Variants in SPHKAP observed in about 807,000 individuals in gnomAD.
SPHKAP encodes SPHK1 interactor, AKAP domain containing, also known as A-kinase anchor protein SPHKAP.
A neutral mutation model predicts 137.5 loss-of-function variants in SPHKAP; 67 were observed. The ratio of observed to expected loss-of-function variants is 0.49; its 90% confidence interval spans 0.40 to 0.60. The LOEUF is 0.60. SPHKAP is among the 20% of genes least tolerant of loss of function. The probability of loss-of-function intolerance (pLI) is 0.00; values close to 1 mark genes in which losing one functional copy is unlikely to be tolerated. For missense variants in SPHKAP, 2,097 were observed against 2,069.3 expected (o/e 1.01, Z -0.26); for synonymous variants, 813 against 785.3 (o/e 1.04, Z -0.59).
chr2:228,016,623 G>C lies in SPHKAP; in HGVS notation c.4231C>G (p.Pro1411Ala), dbSNP rs749391388. The part of the protein sequence containing the change: ...SKKETSSCQD[P>A]VPINHKRRSL... Reference sequence around the variant, plus strand: ...CGCCTTTTGTGGTTTATTGGTACAGGGTCCTGGCACGAGGAAGTTTCTTTT... The same window carrying C: ...CGCCTTTTGTGGTTTATTGGTACAGCGTCCTGGCACGAGGAAGTTTCTTTT... The change falls in exon 7 of 12, where the codon CCT becomes GCT. Residue 1411 changes from proline (P) to alanine (A), a missense_variant. Coordinates refer to ENST00000392056, the MANE Select transcript of SPHKAP (RefSeq NM_001142644.2). 1.2e-6 allele frequency: 2 copies of C among 1,613,372 alleles called. No individual in the cohort carries two copies. Among genetic ancestry groups the C allele is most frequent in the Non-Finnish European group, 1.7e-6 (2 of 1,179,906 alleles).
chr2:228,142,967 TAGTC>T lies in SPHKAP; in HGVS notation c.33-10886_33-10883del, dbSNP rs527954883. On this transcript the variant is annotated intron_variant, in intron 1 of 11. Coordinates refer to ENST00000392056, the MANE Select transcript of SPHKAP (RefSeq NM_001142644.2). ...ACAACTCTTATCCGTGCATGCCTAT[TAGTC>T]AGCCATGCTTTCCACGAGGAATCTA... is the stretch of plus-strand genomic sequence containing the variant. 3.4e-4 allele frequency among the ~76,000 whole-genome samples: 52 copies of T among 152,266 alleles called. No individual in the cohort carries two copies. In the East Asian group the frequency reaches 9.9e-3, roughly 29 times the overall value.
At chr2:228,180,826 G>A (rs1428448396) in intron 1 of SPHKAP, among the ~76,000 whole-genome samples, 1 of 152,214 alleles carries the variant, frequency 6.6e-6, no homozygotes, top group Non-Finnish European at 1.5e-5. Flanking sequence ...GTTAGAAGGA[G>A]TGTGGAACAG....
At chr2:228,013,439 G>T (rs1694461059) in intron 7 of SPHKAP, among the ~76,000 whole-genome samples, 1 of 152,058 alleles carries the variant, frequency 6.6e-6, no homozygotes, top group African/African-American at 2.4e-5. Context: ...TAGAGACAGG[G>T]TTTCACCACC....
At chr2:228,143,737 C>T (rs1188327371) in intron 1 of SPHKAP, among the ~76,000 whole-genome samples, 1 of 149,996 alleles carries the variant, frequency 6.7e-6, no homozygotes, top group African/African-American at 2.5e-5. Context: ...AACTCCTGAC[C>T]TCAGATGATC....
At chr2:228,027,939 C>G in intron 3 of SPHKAP, 1 of 886,246 alleles carries the variant, frequency 1.1e-6, no homozygotes, top group Non-Finnish European at 1.3e-6. Context: ...TCCAGCCTGG[C>G]GACAGTGTGA....
chr2:228,092,508 A>ATATATGTGCCATATATATGTG (rs1559169474), intron 3 of SPHKAP, among the ~76,000 whole-genome samples: 8 of 56,326 alleles, frequency 1.4e-4, no homozygotes, highest in African/African-American at 1.9e-4. Context: ...ATATGTATAC[A>ATATATGTGCCATATATATGTG]TATATGTGCC....
intron 11 of SPHKAP, among the ~76,000 whole-genome samples, chr2:227,987,002 G>C (rs1693235649): frequency 6.6e-6 from 1 of 152,170 alleles, no homozygotes; most frequent in Non-Finnish European, 1.5e-5. Flanking sequence ...TAAATTATTG[G>C]ATGTAGGATT....
intron 3 of SPHKAP, among the ~76,000 whole-genome samples, chr2:228,031,752 C>T (rs183254342): frequency 1.4e-3 from 210 of 152,348 alleles, no homozygotes; most frequent in South Asian, 8.1e-3. Context: ...GTAGCCACCG[C>T]TGCTGATACC....
At chr2:227,983,918 C>T (rs1003365522) in intron 11 of SPHKAP, among the ~76,000 whole-genome samples, 5 of 151,838 alleles carry the variant, frequency 3.3e-5, no homozygotes, top group Non-Finnish European at 5.9e-5. Context: ...TGGGAATATA[C>T]GTTGTGGGGG....
chr2:228,055,957 TG>T (rs1462693624), intron 3 of SPHKAP, among the ~76,000 whole-genome samples: 1 of 152,248 alleles, frequency 6.6e-6, no homozygotes, highest in East Asian at 1.9e-4. Flanking sequence ...ATAGTTCTGA[TG>T]TTGCTATCAG....
At chr2:227,998,684 A>G (rs549998804) in intron 7 of SPHKAP, among the ~76,000 whole-genome samples, 1 of 152,230 alleles carries the variant, frequency 6.6e-6, no homozygotes, top group Non-Finnish European at 1.5e-5. Flanking sequence ...GCTAACATAG[A>G]GATACAAAAT....
chr2:228,076,962 T>C (rs1229642185), intron 3 of SPHKAP, among the ~76,000 whole-genome samples: 2 of 152,178 alleles, frequency 1.3e-5, no homozygotes, highest in Non-Finnish European at 1.5e-5. Flanking sequence ...CTCCCTGCTA[T>C]GTGCAGCCTA....
At position 228,027,734 on chromosome 2, in the gene SPHKAP, A is replaced by T. The variant is rs1296800330; in HGVS notation, c.247-191T>A. 2.0e-5 allele frequency among the ~76,000 whole-genome samples: 3 copies of T among 152,030 alleles called. No individual in the cohort carries two copies. In the South Asian group the frequency reaches 6.2e-4, roughly 32 times the overall value. ...TGTAATCCCAGCACTTTAGGAGGCC[A>T]AGGCGGGCAGATCACGAGGTCAGGA... On this transcript the variant is annotated intron_variant, in intron 3 of 11. Transcript: ENST00000392056.
chr2:228,003,923 T>C (rs4417703), intron 7 of SPHKAP, among the ~76,000 whole-genome samples: 80,029 of 152,026 alleles, frequency 0.53, 21,424 homozygotes, highest in South Asian at 0.67. Flanking sequence ...CACTTGATCA[T>C]GGTGATAAGC....
At chr2:228,079,221 A>G (rs1024739712) in intron 3 of SPHKAP, among the ~76,000 whole-genome samples, 2 of 152,282 alleles carry the variant, frequency 1.3e-5, no homozygotes, top group African/African-American at 2.4e-5. Context: ...TATGCAGTTC[A>G]TGATAGGGTT....
chr2:227,982,244 C>G (rs151098738), intron 11 of SPHKAP: 1 of 985,122 alleles, frequency 1.0e-6, no homozygotes, highest in Non-Finnish European at 1.2e-6. Flanking sequence ...CTATTTCTAT[C>G]ACAAATAAGA....
chr2:228,067,043 G>A (rs948621571), intron 3 of SPHKAP, among the ~76,000 whole-genome samples: 4 of 152,070 alleles, frequency 2.6e-5, no homozygotes, highest in Admixed American at 6.6e-5. Context: ...CAGCTCCACC[G>A]ACGTGACTAA....
chr2:228,018,013 A>C lies in SPHKAP; in HGVS notation c.2841T>G (p.Ile947Met), dbSNP rs368746475. 32 of 1,614,146 alleles carry C rather than the reference A, an allele frequency of 2.0e-5. No homozygotes were observed. In the African/African-American group the frequency reaches 3.6e-4, roughly 18 times the overall value. ...GTTTTCCACTGGAGTTGTCAAGGCA[A>C]ATCGCTGCAATTTCAGTTGCCATGG... is the stretch of plus-strand genomic sequence containing the variant. ...VVSMATEIAAICLDNSSGKQP... is the reference protein window; with the variant it reads ...VVSMATEIAAMCLDNSSGKQP... Residue 947 changes from isoleucine to methionine, a missense_variant, in exon 7 of 12, where the codon ATT (isoleucine) becomes ATG (methionine). Ile to Met is a conservative substitution (Grantham distance 10). Transcript: ENST00000392056.
intron 7 of SPHKAP, among the ~76,000 whole-genome samples, chr2:228,012,746 T>C (rs1694437152): frequency 6.6e-6 from 1 of 152,174 alleles, no homozygotes; most frequent in Non-Finnish European, 1.5e-5. Flanking sequence ...TTGAAGCAAA[T>C]ATAAATGGAT....
Sources: gnomAD v4.1 joint callset for allele counts (sites outside exome capture counted in the v4.1 genomes callset) on GRCh38, gnomAD v4.1.1 for gene constraint, MANE v1.5 for transcripts, NCBI Gene and HGNC (gene_info 2026-07-23, HGNC 2026-07-21) for gene names.